The following PSD3 variants were observed in gnomAD, a reference collection of about 807,000 sequenced individuals.
PSD3 encodes the protein PH and SEC7 domain-containing protein 3.
Under a neutral mutation model 105.5 loss-of-function variants are expected in PSD3, and 49 were observed. The observed-to-expected ratio is 0.46, with a 90% confidence interval of 0.37 to 0.59. PSD3 has a LOEUF of 0.59. Among genes scored for constraint, PSD3 ranks in the 20% least tolerant of loss-of-function variants. The pLI, the probability that PSD3 is intolerant of heterozygous loss-of-function variation, is 0.00. For synonymous variants in PSD3, 557 were observed against 457.8 expected (o/e 1.22, Z -2.77); for missense variants, 1,561 against 1,263.8 (o/e 1.24, Z -3.57).
At chr8:19,023,511 C>T (rs969861229) in intron 1 of PSD3, among the ~76,000 whole-genome samples, 1 of 152,004 alleles carries the variant, frequency 6.6e-6, no homozygotes, top group African/African-American at 2.4e-5. Context: ...TCACTGCAGC[C>T]TTGACCTCCT....
intron 4 of PSD3, among the ~76,000 whole-genome samples, chr8:18,832,800 C>T (rs532528106): frequency 6.0e-4 from 91 of 152,306 alleles, no homozygotes; most frequent in Middle Eastern, 6.8e-3. Flanking sequence ...TGCAGGGGAA[C>T]TGCCCTTTAT....
Position 18,923,053 on chromosome 8 carries a change from C to A in PSD3, c.130+12981G>T, listed in dbSNP as rs532672364. On this transcript the variant is annotated intron_variant, in intron 2 of 15. Coordinates refer to ENST00000327040, the MANE Select transcript of PSD3 (RefSeq NM_015310.4). ...TTAAACTTCACCCCTCTCCCCTCCC[C>A]AGAGGTTAGGGGATGGGACTGAAAG... 4.6e-5 allele frequency among the ~76,000 whole-genome samples: 7 copies of A among 152,248 alleles called. No homozygotes were observed. In the East Asian group the frequency reaches 1.4e-3, roughly 29 times the overall value.
At chr8:18,640,961 A>G (rs190202255) in intron 10 of PSD3, among the ~76,000 whole-genome samples, 7 of 152,278 alleles carry the variant, frequency 4.6e-5, no homozygotes, top group Non-Finnish European at 7.4e-5. Flanking sequence ...ACAGCCTGTA[A>G]TATGGTTAGG....
intron 1 of PSD3, among the ~76,000 whole-genome samples, chr8:19,065,815 C>G (rs1829055982): frequency 6.6e-6 from 1 of 152,116 alleles, no homozygotes; most frequent in South Asian, 2.1e-4. Context: ...CACTGATGAT[C>G]ACTTTAACCC....
chr8:18,555,123 G>C (rs545052200), intron 15 of PSD3, among the ~76,000 whole-genome samples: 2 of 152,100 alleles, frequency 1.3e-5, no homozygotes, highest in African/African-American at 2.4e-5. Flanking sequence ...GCCGTCATCT[G>C]GGTTGAACCT....
intron 1 of PSD3, among the ~76,000 whole-genome samples, chr8:19,074,611 ATTT>A (rs1206111403): frequency 8.3e-4 from 20 of 24,132 alleles, no homozygotes; most frequent in Middle Eastern, 0.026. Flanking sequence ...ATATATATAT[ATTT>A]TTTTTTTTTT....
chr8:18,843,268 G>A (rs1814803444), intron 4 of PSD3, among the ~76,000 whole-genome samples: 1 of 151,812 alleles, frequency 6.6e-6, no homozygotes, highest in Non-Finnish European at 1.5e-5. Flanking sequence ...GGCTGAGGCA[G>A]GAGAATGGCG....
chr8:18,849,271 T>G (rs1815370386), intron 4 of PSD3: 1 of 152,208 alleles, frequency 6.6e-6, no homozygotes, highest in Non-Finnish European at 1.5e-5. Context: ...TACTCATTCA[T>G]TGATCTTCCC....
chr8:18,902,344 T>A (rs1819556835), intron 2 of PSD3, among the ~76,000 whole-genome samples: 1 of 152,172 alleles, frequency 6.6e-6, no homozygotes, highest in South Asian at 2.1e-4. Context: ...TTTAATTCTT[T>A]TTTATAATTT....
intron 8 of PSD3, chr8:18,774,507 C>T: frequency 4.1e-6 from 1 of 245,240 alleles, no homozygotes; most frequent in Admixed American, 5.0e-5. Flanking sequence ...AACCTAACAC[C>T]TTTTTTTTTC....
At chr8:18,898,095 T>C (rs1387493558) in intron 2 of PSD3, among the ~76,000 whole-genome samples, 1 of 152,178 alleles carries the variant, frequency 6.6e-6, no homozygotes, top group Non-Finnish European at 1.5e-5. Context: ...TGTCGAGGTA[T>C]GTTCCTTCTT....
intron 8 of PSD3, among the ~76,000 whole-genome samples, chr8:18,775,452 T>G (rs1807965196): frequency 6.6e-6 from 1 of 152,214 alleles, no homozygotes; most frequent in African/African-American, 2.4e-5. Flanking sequence ...TCATACTGTC[T>G]TTTTCAGAGA....
chr8:18,686,134 G>A (rs914577684), intron 9 of PSD3, among the ~76,000 whole-genome samples: 6 of 152,138 alleles, frequency 3.9e-5, no homozygotes, highest in African/African-American at 1.2e-4. Context: ...GCAGAAGGAC[G>A]CCATCTTTAC....
At chr8:18,558,577 C>G (rs564325706) in intron 14 of PSD3, among the ~76,000 whole-genome samples, 8 of 152,256 alleles carry the variant, frequency 5.3e-5, no homozygotes, top group African/African-American at 1.9e-4. Flanking sequence ...AATCCCAGCA[C>G]TTTGGGAGGC....
rs769507862 is a variant in PSD3, at chr8:18,804,888, C to T, written c.1645G>A (p.Val549Met). The T allele has an allele frequency of 1.8e-5, 29 of 1,604,904 alleles. No individual in the cohort carries two copies. The highest frequency in any genetic ancestry group is 2.3e-5 in the Non-Finnish European group (27 of 1,174,958). The change falls in exon 5 of 16, where the codon GTG becomes ATG. Residue 549 changes from valine to methionine, a missense_variant. Val to Met is a conservative substitution (Grantham distance 21). Transcript: ENST00000327040. ...TGAGCTTCTAGCCGTGTTGTTTTCA[C>T]CCCAGCATTGCTATGATAATTGATA... ...EIAFWGSNAG[V>M]KTTRLEAHSE... is the part of the protein sequence containing the mutation.
chr8:18,632,795 T>C lies in PSD3; in HGVS notation c.2228A>G (p.Glu743Gly). ...EKLEWAVDDE[E>G]KKKSPSESTE... is the part of the protein sequence containing the mutation. ...ACTTTCTGAGGGAGACTTTTTTTTC[T>C]CTTCATCATCTCTAAAAGGGAGAAA... Residue 743 changes from glutamate to glycine, a missense_variant, in exon 11 of 16, where the codon GAG (glutamate) becomes GGG (glycine). By Grantham distance (98) the Glu-to-Gly change is moderately conservative. Coordinates refer to ENST00000327040, the MANE Select transcript of PSD3 (RefSeq NM_015310.4). 3 of 1,567,854 alleles carry C rather than the reference T, an allele frequency of 1.9e-6. No individual in the cohort carries two copies. Among genetic ancestry groups the C allele is most frequent in the South Asian group, 1.1e-5 (1 of 88,096 alleles).
intron 4 of PSD3, among the ~76,000 whole-genome samples, chr8:18,812,000 T>C (rs1331904643): frequency 6.6e-6 from 1 of 152,208 alleles, no homozygotes; most frequent in Non-Finnish European, 1.5e-5. Flanking sequence ...ATTTTTATTA[T>C]TAAATAACGA....
intron 1 of PSD3, among the ~76,000 whole-genome samples, chr8:19,078,779 A>G (rs1192537993): frequency 6.6e-6 from 1 of 151,780 alleles, no homozygotes; most frequent in Non-Finnish European, 1.5e-5. Flanking sequence ...CTTCTAAAGA[A>G]AGAGATGTAA....
At chr8:18,735,913 G>C (rs1446197900) in intron 9 of PSD3, among the ~76,000 whole-genome samples, 3 of 152,008 alleles carry the variant, frequency 2.0e-5, no homozygotes, top group African/African-American at 7.2e-5. Flanking sequence ...TTGTCAAGCA[G>C]AATTCATTAA....
Sources: allele counts gnomAD v4.1 joint callset (sites outside exome capture counted in the v4.1 genomes callset), GRCh38; gene constraint gnomAD v4.1.1; transcripts MANE v1.5; gene names NCBI Gene and HGNC (gene_info 2026-07-23, HGNC 2026-07-21).